The following TTLL1 variants were observed in gnomAD, a reference collection of about 807,000 sequenced individuals.
TTLL1 encodes TTL family tubulin polyglutamylase complex subunit L1.
Under a neutral mutation model 47.8 loss-of-function variants are expected in TTLL1, and 33 were observed. That is an observed-to-expected ratio of 0.69 (90% CI 0.52 to 0.92). The LOEUF (loss-of-function observed/expected upper bound fraction) is 0.92, where lower values mean the gene tolerates loss of function less well. TTLL1 is among the 40% of genes least tolerant of loss of function. The pLI, the probability that TTLL1 is intolerant of heterozygous loss-of-function variation, is 0.00. For synonymous variants in TTLL1, 225 were observed against 214.1 expected (o/e 1.05, Z -0.45); for missense variants, 488 against 547.5 (o/e 0.89, Z 1.08).
At chr22:43,083,585 G>A (rs1056303593) in intron 1 of TTLL1, among the ~76,000 whole-genome samples, 17 of 151,784 alleles carry the variant, frequency 1.1e-4, no homozygotes, top group South Asian at 6.2e-4. Context: ...AAAATTAGCT[G>A]GGTGTGGTGG....
chr22:43,061,808 A>T (rs1385414945), intron 7 of TTLL1, among the ~76,000 whole-genome samples: 1 of 151,998 alleles, frequency 6.6e-6, no homozygotes, highest in African/African-American at 2.4e-5. Flanking sequence ...CACACGTTGT[A>T]CCTACTACTA....
Position 43,051,852 on chromosome 22 carries a change from G to A in TTLL1, c.927C>T (p.Cys309=), listed in dbSNP as rs1301122901. ...CGTCGATGATGATGTCGTAGCCATA[G>A]CATTCAAAGCAGTGCTTGTCATTGT... ...VMNNDKHCFE[C]YGYDIIIDDK... The change falls in exon 9 of 11, where the codon TGC becomes TGT. Residue 309 remains cysteine (C), a synonymous_variant. Coordinates refer to ENST00000266254, the MANE Select transcript of TTLL1 (RefSeq NM_012263.5). 1 of 1,613,906 alleles carries A rather than the reference G, an allele frequency of 6.2e-7. No individual in the cohort carries two copies. Among genetic ancestry groups the A allele is most frequent in the Admixed American group, 1.7e-5 (1 of 59,952 alleles).
At chr22:43,041,943 T>C (rs1052092669) in intron 10 of TTLL1, among the ~76,000 whole-genome samples, 5 of 152,210 alleles carry the variant, frequency 3.3e-5, no homozygotes, top group Admixed American at 3.3e-4. Context: ...GACACAGCCA[T>C]AGTCCCTATG....
intron 1 of TTLL1, among the ~76,000 whole-genome samples, chr22:43,083,586 G>A (rs1330918813): frequency 1.3e-5 from 2 of 152,218 alleles, no homozygotes; most frequent in South Asian, 4.1e-4. Flanking sequence ...AAATTAGCTG[G>A]GTGTGGTGGC....
intron 5 of TTLL1, among the ~76,000 whole-genome samples, chr22:43,064,725 C>CAAAT (rs972857785): frequency 1.3e-5 from 2 of 151,868 alleles, no homozygotes; most frequent in African/African-American, 2.4e-5. Flanking sequence ...GACTCCATCT[C>CAAAT]AAATAAATAA....
chr22:43,043,852 C>T (rs1028987843), intron 10 of TTLL1, among the ~76,000 whole-genome samples: 2 of 152,040 alleles, frequency 1.3e-5, no homozygotes, highest in Non-Finnish European at 2.9e-5. Flanking sequence ...GTCACCACCC[C>T]AGATCCCTTG....
chr22:43,075,501 G>A lies in TTLL1; in HGVS notation c.86C>T (p.Thr29Ile), dbSNP rs1928423738. The change falls in exon 3 of 11, where the codon ACA (threonine) becomes ATA (isoleucine). Residue 29 changes from threonine (T) to isoleucine (I), a missense_variant. Coordinates refer to ENST00000266254, the MANE Select transcript of TTLL1 (RefSeq NM_012263.5). ...GTAAAAATTCCAGTCCTCGTTTTCTGTCACTTGGACCCATCCTCTCTTTTC... is the reference window on the plus strand; with the variant it reads ...GTAAAAATTCCAGTCCTCGTTTTCTATCACTTGGACCCATCCTCTCTTTTC... ...NFEKRGWVQV[T>I]ENEDWNFYWM... 1.2e-6 allele frequency: 2 copies of A among 1,614,014 alleles called. No individual in the cohort carries two copies. The highest frequency in any genetic ancestry group is 1.3e-5 in the African/African-American group (1 of 74,924).
chr22:43,049,536 CCAAA>C (rs997713512), intron 9 of TTLL1, among the ~76,000 whole-genome samples: 5 of 148,954 alleles, frequency 3.4e-5, no homozygotes, highest in African/African-American at 1.2e-4. Flanking sequence ...AAAAACAAAA[CCAAA>C]CAAACAAAAA....
In TTLL1 at chr22:43,046,446, G is replaced by A. The variant is rs777155754; in HGVS notation, c.1106C>T (p.Ser369Leu). Reference protein sequence around the residue: ...GEIPDCKWNKSPPKEVLGNYE... With the variant: ...GEIPDCKWNKLPPKEVLGNYE... ...ATTGCCGAGGACTTCCTTAGGTGGC[G>A]ACTTGTTCCATTTGCAGTCTGGGAT... Residue 369 changes from serine (S) to leucine (L), a missense_variant, in exon 10 of 11, where the codon TCG becomes TTG. Transcript: ENST00000266254. The A allele has an allele frequency of 1.2e-5, 19 of 1,614,070 alleles. No individual in the cohort carries two copies. Among genetic ancestry groups the A allele is most frequent in the Admixed American group, 3.3e-5 (2 of 59,970 alleles).
chr22:43,044,436 T>G (rs554757482), intron 10 of TTLL1, among the ~76,000 whole-genome samples: 3 of 152,302 alleles, frequency 2.0e-5, no homozygotes, highest in Non-Finnish European at 4.4e-5. Context: ...CAGCTAAGCA[T>G]GGGCTTCAGA....
chr22:43,082,006 C>T lies in TTLL1; in HGVS notation c.-89-2020G>A, dbSNP rs578142594. ...GGCTGGGATTACAGGTACATGCCCC[C>T]GCGCCTGGCTAGTTTTTGTATTTTT... On this transcript the variant is annotated intron_variant, in intron 1 of 10. Coordinates refer to ENST00000266254, the MANE Select transcript of TTLL1 (RefSeq NM_012263.5). 3.3e-3 allele frequency among the ~76,000 whole-genome samples: 499 copies of T among 152,040 alleles called. 2 individuals are homozygous for T. Among genetic ancestry groups the T allele is most frequent in the African/African-American group, 0.012 (485 of 41,442 alleles).
At chr22:43,068,212 G>A (rs1037039264) in intron 5 of TTLL1, among the ~76,000 whole-genome samples, 198 bp downstream of exon 5, 1 of 151,838 alleles carries the variant, frequency 6.6e-6, no homozygotes, top group Non-Finnish European at 1.5e-5. Context: ...AACTACTCGG[G>A]AGGCTGAAGC....
At chr22:43,053,028 C>A (rs1034541584) in intron 8 of TTLL1, among the ~76,000 whole-genome samples, 6 of 152,262 alleles carry the variant, frequency 3.9e-5, no homozygotes, top group African/African-American at 1.4e-4. Flanking sequence ...CCACTGCACT[C>A]CAGCCTGGGC....
chr22:43,062,517 A>G (rs971605772), intron 7 of TTLL1, among the ~76,000 whole-genome samples: 3 of 150,780 alleles, frequency 2.0e-5, no homozygotes, highest in African/African-American at 7.3e-5. Context: ...AAGAAAAGAA[A>G]AAAGAAAAAA....
At position 43,075,457 on chromosome 22, in the gene TTLL1, C is replaced by G; in HGVS notation, c.113+17G>C. On this transcript the variant is annotated intron_variant, in intron 3 of 10. Transcript: ENST00000266254. ...TAAGCCTCAGAGAAACAACCCAGCC[C>G]TGCTGTGTATGCTTACCAGTAAAAA... 1 of 1,600,748 alleles carries G rather than the reference C, an allele frequency of 6.2e-7. No individual in the cohort carries two copies. The highest frequency in any genetic ancestry group is 8.6e-7 in the Non-Finnish European group (1 of 1,167,812).
At chr22:43,062,392 G>A (rs1376266792) in intron 7 of TTLL1, among the ~76,000 whole-genome samples, 1 of 151,842 alleles carries the variant, frequency 6.6e-6, no homozygotes, top group Non-Finnish European at 1.5e-5. Context: ...TCAGGAGGCT[G>A]AGGCAGGAGA....
chr22:43,074,443 AAAAGAAAGAAAG>A (rs1044472358), intron 3 of TTLL1, among the ~76,000 whole-genome samples: 8 of 150,782 alleles, frequency 5.3e-5, no homozygotes, highest in African/African-American at 2.0e-4. Context: ...AAAAAAAAAA[AAAAGAAAGAAAG>A]AAAGAAAAAA....
At chr22:43,063,208 G>A (rs910177969) in intron 7 of TTLL1, among the ~76,000 whole-genome samples, 6 of 152,114 alleles carry the variant, frequency 3.9e-5, no homozygotes, top group African/African-American at 1.4e-4. Flanking sequence ...GAGAAACCGA[G>A]GCTCTGAGAG....
intron 3 of TTLL1, chr22:43,070,048 G>A: frequency 8.5e-7 from 1 of 1,182,776 alleles, no homozygotes; most frequent in Non-Finnish European, 1.2e-6. Context: ...TGGTGTGAGG[G>A]CCAGGAGCTG....
Sources: allele counts gnomAD v4.1 joint callset (sites outside exome capture counted in the v4.1 genomes callset), GRCh38; gene constraint gnomAD v4.1.1; transcripts MANE v1.5; gene names NCBI Gene and HGNC (gene_info 2026-07-23, HGNC 2026-07-21).